The following FHIT variants were observed in gnomAD, a reference collection of about 807,000 sequenced individuals.
FHIT encodes the protein fragile histidine triad diadenosine triphosphatase, also known as bis(5'-adenosyl)-triphosphatase.
Under a neutral mutation model 17.9 loss-of-function variants are expected in FHIT, and 19 were observed. The ratio of observed to expected loss-of-function variants is 1.06; its 90% confidence interval spans 0.74 to 1.56. FHIT has a LOEUF of 1.56. FHIT is among the 40% of genes most tolerant of loss of function. The pLI is 0.00. For missense variants in FHIT, 248 were observed against 189.2 expected, an observed-to-expected ratio of 1.31 and a Z score of -1.82; for synonymous variants, 81 against 69.7, an observed-to-expected ratio of 1.16 and a Z score of -0.81.
intron 4 of FHIT, among the ~76,000 whole-genome samples, chr3:60,692,077 A>T (rs2041004733): frequency 6.6e-6 from 1 of 152,184 alleles, no homozygotes. Flanking sequence ...CAAAACTTAT[A>T]TCCTAATTTC....
intron 4 of FHIT, among the ~76,000 whole-genome samples, chr3:60,752,508 T>C (rs1386316938): frequency 3.9e-5 from 6 of 152,118 alleles, no homozygotes; most frequent in Admixed American, 2.0e-4. Context: ...GAAAAGGACA[T>C]GTGAAGGGTG....
chr3:60,791,947 T>C (rs1489428055), intron 4 of FHIT, among the ~76,000 whole-genome samples: 1 of 152,220 alleles, frequency 6.6e-6, no homozygotes, highest in African/African-American at 2.4e-5. Context: ...TCATATTCAA[T>C]TGTATACACA....
chr3:60,038,774 A>G (rs768623658), intron 5 of FHIT, among the ~76,000 whole-genome samples: 2 of 152,224 alleles, frequency 1.3e-5, no homozygotes, highest in African/African-American at 4.8e-5. Flanking sequence ...ATTCATTAAG[A>G]AACAGCTACC....
chr3:60,451,409 G>A (rs919865538), intron 5 of FHIT, among the ~76,000 whole-genome samples: 6 of 151,932 alleles, frequency 3.9e-5, no homozygotes, highest in African/African-American at 1.2e-4. Flanking sequence ...TCAATAACCC[G>A]AATAAACTCA....
chr3:60,925,103 A>G (rs6446165), intron 3 of FHIT, among the ~76,000 whole-genome samples: 91,607 of 152,056 alleles, frequency 0.6, 27,921 homozygotes, highest in East Asian at 0.73. Context: ...TGAAAGTGAC[A>G]GGGAGAATGG....
chr3:60,478,917 G>A (rs758212087), intron 5 of FHIT, among the ~76,000 whole-genome samples: 6 of 151,990 alleles, frequency 3.9e-5, no homozygotes, highest in African/African-American at 1.4e-4. Context: ...GAAATGAAAC[G>A]CAATATAACT....
chr3:59,845,858 A>AT (rs932062994), intron 8 of FHIT, among the ~76,000 whole-genome samples: 1 of 151,986 alleles, frequency 6.6e-6, no homozygotes, highest in Admixed American at 6.6e-5. Context: ...CTTTGCTAGC[A>AT]TTTTTTATTT....
intron 3 of FHIT, among the ~76,000 whole-genome samples, chr3:60,953,186 GC>G (rs1708965738): frequency 6.6e-6 from 1 of 152,158 alleles, no homozygotes; most frequent in Admixed American, 6.5e-5. Flanking sequence ...TAATATAAGT[GC>G]CAAAAATATA....
At chr3:60,846,008 A>G (rs1329636324) in intron 3 of FHIT, among the ~76,000 whole-genome samples, 4 of 152,222 alleles carry the variant, frequency 2.6e-5, no homozygotes, top group African/African-American at 9.6e-5. Flanking sequence ...CTCTTGCATA[A>G]GATTATTAAG....
chr3:60,463,908 G>A (rs768142083), intron 5 of FHIT, among the ~76,000 whole-genome samples: 1 of 152,264 alleles, frequency 6.6e-6, no homozygotes, highest in Non-Finnish European at 1.5e-5. Flanking sequence ...TATTATCCAC[G>A]AATCAGTTTA....
chr3:60,749,178 C>T (rs1553716179), intron 4 of FHIT, among the ~76,000 whole-genome samples: 1 of 152,158 alleles, frequency 6.6e-6, no homozygotes, highest in Non-Finnish European at 1.5e-5. Context: ...AAAACTCCCC[C>T]AGAGAGGATA....
At chr3:60,450,865 C>T (rs1034924502) in intron 5 of FHIT, among the ~76,000 whole-genome samples, 5 of 152,020 alleles carry the variant, frequency 3.3e-5, no homozygotes, top group Non-Finnish European at 5.9e-5. Context: ...CTAGTGACTT[C>T]GAATTATTTA....
intron 2 of FHIT, among the ~76,000 whole-genome samples, chr3:61,078,814 T>G (rs2035045521): frequency 6.6e-6 from 1 of 152,210 alleles, no homozygotes; most frequent in Non-Finnish European, 1.5e-5. Context: ...AGATACTTTA[T>G]TAACAATGAA....
rs112573135 is a variant in FHIT, at chr3:60,586,331, T to C, written c.-17-49352A>G. ...TGACTTGATCATTGACTCATCAAAA[T>C]AGACAGATGTGCTCTTATCCAGCAA... On this transcript the variant is annotated intron_variant, in intron 4 of 9. Coordinates refer to ENST00000492590, the MANE Select transcript of FHIT (RefSeq NM_002012.4). Among the ~76,000 whole-genome samples, 516 of 152,154 alleles carry C rather than the reference T, an allele frequency of 3.4e-3. 5 individuals are homozygous for C. The highest frequency in any genetic ancestry group is 0.012 in the African/African-American group (497 of 41,544).
intron 8 of FHIT, among the ~76,000 whole-genome samples, chr3:59,875,010 T>G (rs1027509989): frequency 6.6e-6 from 1 of 152,224 alleles, no homozygotes; most frequent in African/African-American, 2.4e-5. Context: ...TCTGATCCAT[T>G]TCATCAAAAA....
chr3:59,963,427 A>G (rs1017594094), intron 7 of FHIT, among the ~76,000 whole-genome samples: 1 of 152,092 alleles, frequency 6.6e-6, no homozygotes, highest in African/African-American at 2.4e-5. Flanking sequence ...AGTTCCTCAA[A>G]TTATTCACTT....
chr3:60,422,629 C>G (rs1702519486), intron 5 of FHIT, among the ~76,000 whole-genome samples: 1 of 152,040 alleles, frequency 6.6e-6, no homozygotes, highest in South Asian at 2.1e-4. Context: ...GCTGGCATGC[C>G]TTTCCCGAGT....
chr3:60,839,664 C>G (rs1406291848), intron 3 of FHIT, among the ~76,000 whole-genome samples: 9 of 152,114 alleles, frequency 5.9e-5, no homozygotes, highest in Admixed American at 3.3e-4. Flanking sequence ...TCCCCAAAGA[C>G]CTCTAGGGAC....
At chr3:60,315,451 T>A (rs1458046536) in intron 5 of FHIT, among the ~76,000 whole-genome samples, 1 of 152,086 alleles carries the variant, frequency 6.6e-6, no homozygotes, top group South Asian at 2.1e-4. Context: ...AACATCCCCA[T>A]CCTACCCCCA....
Sources: allele counts gnomAD v4.1 joint callset (sites outside exome capture counted in the v4.1 genomes callset), GRCh38; gene constraint gnomAD v4.1.1; transcripts MANE v1.5; gene names NCBI Gene and HGNC (gene_info 2026-07-23, HGNC 2026-07-21).